KSR2: variants seen among roughly 807,000 people sequenced by gnomAD.
KSR2 encodes kinase suppressor of ras 2.
KSR2 carries 25 observed loss-of-function variants against 107.8 expected under a neutral mutation model. The observed-to-expected ratio is 0.23, with a 90% CI of 0.17 to 0.32. The LOEUF (loss-of-function observed/expected upper bound fraction) is 0.32. Among genes scored for constraint, KSR2 ranks in the 10% least tolerant of loss-of-function variants. The pLI is 1.00. For synonymous variants in KSR2, 480 were observed against 507.0 expected (o/e 0.95, Z 0.71); for missense variants, 887 against 1,268.9 (o/e 0.70, Z 4.57).
chr12:117,837,342 A>G (rs1292910956), intron 3 of KSR2, among the ~76,000 whole-genome samples: 2 of 152,184 alleles, frequency 1.3e-5, no homozygotes, highest in African/African-American at 4.8e-5. Flanking sequence ...CAGTTTCTAC[A>G]TTACTATGCA....
Position 117,455,960 on chromosome 12 carries a change from C to T in KSR2, c.*11239G>A, listed in dbSNP as rs1870597284. 1 of 152,200 alleles carries T rather than the reference C, an allele frequency of 6.6e-6. No individual in the cohort carries two copies. The highest frequency in any genetic ancestry group is 6.5e-5 in the Admixed American group (1 of 15,282). The allele number at this position is 152,200 out of a possible 1,614,324, so 9.4% of individuals were successfully genotyped here. A position where few individuals can be genotyped will look rare whatever the true frequency, so the allele number is the denominator to read the frequency against. ...AGTGGAGTCAGAGAAGCTCATGTGACAGCATGCCTGACATGCCACCATATG... is the reference window on the plus strand; with the variant it reads ...AGTGGAGTCAGAGAAGCTCATGTGATAGCATGCCTGACATGCCACCATATG... On this transcript the variant is annotated 3_prime_UTR_variant, in exon 20 of 20. Transcript: ENST00000339824.
At chr12:117,909,739 C>T (rs951993603) in intron 1 of KSR2, among the ~76,000 whole-genome samples, 7 of 122,918 alleles carry the variant, frequency 5.7e-5, no homozygotes, top group African/African-American at 2.6e-4. Flanking sequence ...CCCATCTCTA[C>T]TAAAAATACA....
chr12:117,757,445 A>T (rs1258541270), intron 4 of KSR2, among the ~76,000 whole-genome samples: 1 of 152,244 alleles, frequency 6.6e-6, no homozygotes, highest in Non-Finnish European at 1.5e-5. Flanking sequence ...TATTGCATAA[A>T]CTTAGTTGAC....
chr12:117,866,585 G>A (rs112587304), intron 1 of KSR2, among the ~76,000 whole-genome samples: 26 of 152,048 alleles, frequency 1.7e-4, no homozygotes, highest in African/African-American at 5.5e-4. Flanking sequence ...ATCCCAGCAC[G>A]CTGGGAGGCC....
chr12:117,522,447 G>A (rs1874817917), intron 14 of KSR2, among the ~76,000 whole-genome samples: 1 of 152,072 alleles, frequency 6.6e-6, no homozygotes, highest in Non-Finnish European at 1.5e-5. Context: ...CCAGACTTGT[G>A]TATCCCAAGT....
chr12:117,828,161 AC>A (rs1157137068), intron 3 of KSR2, among the ~76,000 whole-genome samples: 1 of 152,166 alleles, frequency 6.6e-6, no homozygotes, highest in African/African-American at 2.4e-5. Flanking sequence ...CTACTTGTTC[AC>A]CGCTGCGTCC....
chr12:117,848,826 A>ATGGTGGTGGG (rs746004022), intron 3 of KSR2, among the ~76,000 whole-genome samples: 5 of 128,168 alleles, frequency 3.9e-5, no homozygotes, highest in Admixed American at 2.3e-4. Context: ...GTGGGTGGTG[A>ATGGTGGTGGG]TGGTGGTAGT....
chr12:117,879,729 G>GA (rs1168314014), intron 1 of KSR2, among the ~76,000 whole-genome samples: 3 of 150,654 alleles, frequency 2.0e-5, no homozygotes, highest in East Asian at 4.0e-4. Flanking sequence ...AAACAAAAAA[G>GA]AAAAAAAACT....
At chr12:117,804,713 T>A (rs1375724803) in intron 3 of KSR2, among the ~76,000 whole-genome samples, 1 of 152,186 alleles carries the variant, frequency 6.6e-6, no homozygotes, top group African/African-American at 2.4e-5. Context: ...AATCATAAGA[T>A]CCTTAAACAT....
chr12:117,508,203 C>T (rs1182465811), intron 14 of KSR2, among the ~76,000 whole-genome samples: 3 of 152,188 alleles, frequency 2.0e-5, no homozygotes, highest in African/African-American at 7.2e-5. Context: ...TCTACTGATG[C>T]TCCCCTAGAC....
At chr12:117,561,305 A>G (rs1313073638) in intron 7 of KSR2, among the ~76,000 whole-genome samples, 4 of 152,230 alleles carry the variant, frequency 2.6e-5, no homozygotes, top group Non-Finnish European at 5.9e-5. Flanking sequence ...AACATTTGGA[A>G]GTGCTGTTGG....
At chr12:117,627,638 T>C (rs1311226037) in intron 5 of KSR2, among the ~76,000 whole-genome samples, 3 of 152,232 alleles carry the variant, frequency 2.0e-5, no homozygotes, top group Non-Finnish European at 4.4e-5. Flanking sequence ...TTAACACTTT[T>C]TCCTTCATTT....
rs940092816 is a variant in KSR2 at position 117,527,075 on chromosome 12, G to A, written c.1847C>T (p.Ser616Leu). ...PLLQIEVEPTSENEEVHDEAE... is the reference protein window; with the variant it reads ...PLLQIEVEPTLENEEVHDEAE... ...TCACTGCTCTCTGATTCTCACCTCCGACGTTGGCTCCACTTCAATTTGAAG... is the reference window on the plus strand; with the variant it reads ...TCACTGCTCTCTGATTCTCACCTCCAACGTTGGCTCCACTTCAATTTGAAG... Residue 616 changes from serine to leucine, a missense_variant, in exon 13 of 20, where the codon TCG becomes TTG. Ser to Leu is a moderately radical substitution (Grantham distance 145). Transcript: ENST00000339824. The A allele has an allele frequency of 3.7e-6, 6 of 1,613,386 alleles. No individual in the cohort carries two copies. Among genetic ancestry groups the A allele is most frequent in the Non-Finnish European group, 5.1e-6 (6 of 1,179,590 alleles).
chr12:117,565,394 A>C (rs753358578), intron 7 of KSR2, among the ~76,000 whole-genome samples: 1 of 152,204 alleles, frequency 6.6e-6, no homozygotes, highest in Non-Finnish European at 1.5e-5. Flanking sequence ...CTAATATCCA[A>C]TTGAGGAAAC....
intron 1 of KSR2, among the ~76,000 whole-genome samples, chr12:117,886,654 C>T (rs1054238105): frequency 3.9e-5 from 6 of 151,976 alleles, no homozygotes; most frequent in African/African-American, 1.2e-4. Context: ...AACGTATCCC[C>T]GTCATTTAGC....
At chr12:117,896,718 C>T (rs1195464390) in intron 1 of KSR2, among the ~76,000 whole-genome samples, 5 of 152,142 alleles carry the variant, frequency 3.3e-5, no homozygotes, top group Non-Finnish European at 7.4e-5. Flanking sequence ...CCTCGGCCTC[C>T]CAAAGTGCTG....
At chr12:117,636,119 C>T (rs536541471) in intron 5 of KSR2, among the ~76,000 whole-genome samples, 79 of 152,154 alleles carry the variant, frequency 5.2e-4, no homozygotes, top group African/African-American at 1.9e-3. Flanking sequence ...AAATGCTAGA[C>T]TTTATTTGGA....
At chr12:117,517,844 C>T in intron 14 of KSR2, 1 of 455,976 alleles carries the variant, frequency 2.2e-6, no homozygotes, top group Non-Finnish European at 4.4e-6. Context: ...TTAGGACAAT[C>T]AAACTGGCCT....
chr12:117,690,789 T>A (rs1486533988), intron 4 of KSR2, among the ~76,000 whole-genome samples: 2 of 152,126 alleles, frequency 1.3e-5, no homozygotes, highest in African/African-American at 4.8e-5. Flanking sequence ...AAAAACGAGT[T>A]GTCATCCTCA....
Sources: allele counts gnomAD v4.1 joint callset (sites outside exome capture counted in the v4.1 genomes callset), GRCh38; gene constraint gnomAD v4.1.1; transcripts MANE v1.5; gene names NCBI Gene and HGNC (gene_info 2026-07-23, HGNC 2026-07-21).